FAM13A: variants seen among roughly 807,000 people sequenced by gnomAD.
FAM13A encodes family with sequence similarity 13 member A.
Under a neutral mutation model 129.6 loss-of-function variants are expected in FAM13A, and 76 were observed. The observed-to-expected ratio is 0.59, with a 90% CI of 0.49 to 0.71. FAM13A has a LOEUF of 0.71. Ranked by LOEUF, FAM13A falls within the 30% of genes least tolerant of loss-of-function variation. The probability of loss-of-function intolerance (pLI) is 0.00; values close to 1 mark genes in which losing one functional copy is unlikely to be tolerated. For missense variants in FAM13A, 1,108 were observed against 1,249.3 expected (o/e 0.89, Z 1.70); for synonymous variants, 443 against 449.9 (o/e 0.98, Z 0.20).
intron 6 of FAM13A, among the ~76,000 whole-genome samples, chr4:88,868,953 G>A (rs377301175): frequency 6.6e-6 from 1 of 152,154 alleles, no homozygotes; most frequent in East Asian, 1.9e-4. Context: ...AGTTCCAAAT[G>A]TATATTCAAT....
intron 4 of FAM13A, among the ~76,000 whole-genome samples, chr4:88,961,875 A>T (rs1196965906): frequency 1.3e-5 from 2 of 152,180 alleles, no homozygotes; most frequent in African/African-American, 4.8e-5. Flanking sequence ...GGATTCTTTT[A>T]ATCTTATATA....
intron 7 of FAM13A, chr4:88,823,295 A>T: frequency 8.3e-7 from 1 of 1,204,636 alleles, no homozygotes; most frequent in African/African-American, 1.6e-5. Context: ...CAATCAGAGC[A>T]GCAGCTGCTG....
At chr4:88,738,030 T>G (rs1317596929) in intron 20 of FAM13A, among the ~76,000 whole-genome samples, 1 of 152,192 alleles carries the variant, frequency 6.6e-6, no homozygotes, top group East Asian at 1.9e-4. Flanking sequence ...GATCTAATCG[T>G]TTTATTTGTT....
At chr4:88,794,727 CTCT>C (rs1211519361) in intron 8 of FAM13A, among the ~76,000 whole-genome samples, 1 of 151,708 alleles carries the variant, frequency 6.6e-6, no homozygotes, top group Non-Finnish European at 1.5e-5. Context: ...TTTAAATTTA[CTCT>C]TTTTTTAATT....
At chr4:88,917,175 T>C (rs1750256083) in intron 5 of FAM13A, among the ~76,000 whole-genome samples, 1 of 152,344 alleles carries the variant, frequency 6.6e-6, no homozygotes, top group South Asian at 2.1e-4. Context: ...AAAGATTTAT[T>C]TGGCTCATTC....
chr4:88,787,695 G>C (rs963762228), intron 10 of FAM13A, 58 bp downstream of exon 10: 34 of 1,528,552 alleles, frequency 2.2e-5, no homozygotes, highest in Non-Finnish European at 3.0e-5. Flanking sequence ...TAATTTGGGT[G>C]TATATTTCTT....
At chr4:88,880,566 C>T (rs372423710) in intron 6 of FAM13A, among the ~76,000 whole-genome samples, 20 of 152,124 alleles carry the variant, frequency 1.3e-4, no homozygotes, top group African/African-American at 4.6e-4. Context: ...CAATTTCCAC[C>T]GAACGCAGAG....
intron 4 of FAM13A, among the ~76,000 whole-genome samples, chr4:88,968,426 C>T (rs1475987987): frequency 6.6e-6 from 1 of 152,136 alleles, no homozygotes; most frequent in Admixed American, 6.5e-5. Context: ...GTAAAATTGA[C>T]TCTGAAAAAA....
At chr4:88,822,938 A>T (rs1437961722) in intron 7 of FAM13A, 1 of 1,606,686 alleles carries the variant, frequency 6.2e-7, no homozygotes, top group Non-Finnish European at 8.5e-7. Context: ...CAACTCAAAA[A>T]ATACATAGCA....
intron 2 of FAM13A, among the ~76,000 whole-genome samples, chr4:89,027,871 G>T (rs540654565): frequency 2.6e-5 from 4 of 152,138 alleles, no homozygotes; most frequent in African/African-American, 9.6e-5. Flanking sequence ...GATGGCTGGA[G>T]ATCTCATCAT....
chr4:88,763,277 G>GTTCA (rs3067663), intron 13 of FAM13A, among the ~76,000 whole-genome samples: 2,083 of 150,834 alleles, frequency 0.014, 47 homozygotes, highest in African/African-American at 0.044. Flanking sequence ...TTTCCCATTC[G>GTTCA]TTCATTCATT....
At chr4:89,041,531 T>C (rs1406763051) in intron 1 of FAM13A, among the ~76,000 whole-genome samples, 8 of 151,088 alleles carry the variant, frequency 5.3e-5, no homozygotes, top group Admixed American at 5.3e-4. Flanking sequence ...ATAAATGGGT[T>C]AAATAATGTA....
At chr4:88,911,185 T>C (rs1749040693) in intron 5 of FAM13A, among the ~76,000 whole-genome samples, 1 of 152,192 alleles carries the variant, frequency 6.6e-6, no homozygotes, top group South Asian at 2.1e-4. Flanking sequence ...GATCCTTCGT[T>C]CTCTTGCTAA....
intron 11 of FAM13A, among the ~76,000 whole-genome samples, chr4:88,774,857 G>A (rs1395956958): frequency 6.6e-6 from 1 of 152,186 alleles, no homozygotes; most frequent in South Asian, 2.1e-4. Context: ...CTAAGGAGAC[G>A]ATGATGTGAT....
chr4:88,848,763 C>A (rs1332785718), intron 7 of FAM13A, among the ~76,000 whole-genome samples: 1 of 152,144 alleles, frequency 6.6e-6, no homozygotes, highest in East Asian at 1.9e-4. Context: ...TAGAATTACT[C>A]CCTATTGTTT....
chr4:88,968,811 T>C (rs1263660300), intron 4 of FAM13A, among the ~76,000 whole-genome samples: 1 of 152,192 alleles, frequency 6.6e-6, no homozygotes, highest in Admixed American at 6.5e-5. Flanking sequence ...GCATTAATTT[T>C]GCCTCCACAT....
chr4:88,973,131 A>ATTTT lies in FAM13A; in HGVS notation c.605+17838_605+17841dup, dbSNP rs70959640. Reference sequence around the variant, plus strand: ...GTTTGAAATGACAAGCCTAGGCATAATTTTTTTTTTTTTTTTTGTCATTTA... The same window carrying ATTTT: ...GTTTGAAATGACAAGCCTAGGCATAATTTTTTTTTTTTTTTTTTTTTGTCATTTA... On this transcript the variant is annotated intron_variant, in intron 4 of 23. Transcript: ENST00000264344. 1.4e-3 allele frequency among the ~76,000 whole-genome samples: 188 copies of ATTTT among 134,470 alleles called. 2 individuals carry two copies. In the East Asian group the frequency reaches 0.014, roughly 10 times the overall value. 88.2% of individuals were successfully genotyped at this position (134,470 alleles called of 152,430 possible).
rs372515192 is a variant in FAM13A, at chr4:88,869,456, C to T, written c.844-18273G>A. On this transcript the variant is annotated intron_variant, in intron 6 of 23. Coordinates refer to ENST00000264344, the MANE Select transcript of FAM13A (RefSeq NM_014883.4). The stretch of plus-strand genomic sequence containing the variant: ...CAGTTATCCAGCCCCAGGGCCTTAT[C>T]ACATGCTGTGACAATATCGGAAATG... Among the ~76,000 whole-genome samples the T allele has an allele frequency of 5.9e-5, 9 of 152,318 alleles. No individual in the cohort carries two copies. In the South Asian group the frequency reaches 1.9e-3, roughly 32 times the overall value.
At chr4:88,942,098 A>C (rs940266612) in intron 4 of FAM13A, among the ~76,000 whole-genome samples, 1 of 152,200 alleles carries the variant, frequency 6.6e-6, no homozygotes, top group Non-Finnish European at 1.5e-5. Flanking sequence ...ATGGCCACAG[A>C]AGCTGCAAAG....
Sources: allele counts gnomAD v4.1 joint callset (sites outside exome capture counted in the v4.1 genomes callset), GRCh38; gene constraint gnomAD v4.1.1; transcripts MANE v1.5; gene names NCBI Gene and HGNC (gene_info 2026-07-23, HGNC 2026-07-21).